GNG7: variants seen among roughly 807,000 people sequenced by gnomAD.
GNG7 encodes the protein G protein subunit gamma 7.
Under a neutral mutation model 4.0 loss-of-function variants are expected in GNG7, and 1 was observed. That is an observed-to-expected ratio of 0.25 (90% CI 0.09 to 1.18). The LOEUF is 1.18. Ranked by LOEUF, GNG7 falls within the 50% of genes most tolerant of loss-of-function variation. The pLI is 0.50. For missense variants in GNG7, 86 were observed against 91.9 expected (o/e 0.94, Z 0.26); for synonymous variants, 34 against 36.9 (o/e 0.92, Z 0.29).
At chr19:2,662,823 A>G (rs1032894493) in intron 1 of GNG7, among the ~76,000 whole-genome samples, 6 of 152,252 alleles carry the variant, frequency 3.9e-5, no homozygotes, top group Non-Finnish European at 8.8e-5. Flanking sequence ...TGGAGGGTAC[A>G]GCTAAAGGTT....
At chr19:2,574,144 T>A (rs1361078605) in intron 2 of GNG7, among the ~76,000 whole-genome samples, 2 of 152,122 alleles carry the variant, frequency 1.3e-5, no homozygotes, top group Non-Finnish European at 2.9e-5. Flanking sequence ...ACCCCCACCA[T>A]CTCCCGGGGT....
In GNG7 at chr19:2,552,950, A is replaced by G. The variant is rs77822011; in HGVS notation, c.-38+2199T>C. On this transcript the variant is annotated intron_variant, in intron 3 of 4. Transcript: ENST00000382159. ...GGACTGCTGCCTTAAGGAACCAGAA[A>G]AGGAAGAACGAAGGCAGCCCCAAGC... Among the ~76,000 whole-genome samples the G allele has an allele frequency of 2.7e-3, 413 of 151,358 alleles. 9 individuals carry two copies. In the East Asian group the frequency reaches 0.046, roughly 17 times the overall value.
intron 2 of GNG7, among the ~76,000 whole-genome samples, chr19:2,638,562 G>A (rs74370076): frequency 3.3e-5 from 4 of 120,634 alleles, no homozygotes; most frequent in East Asian, 2.7e-4. Flanking sequence ...GGGGAGGGGA[G>A]GGGAAGGGAA....
intron 3 of GNG7, among the ~76,000 whole-genome samples, chr19:2,533,017 T>C (rs1416207645): frequency 2.0e-5 from 3 of 151,890 alleles, no homozygotes; most frequent in African/African-American, 4.8e-5. Flanking sequence ...CTTTTACTCA[T>C]AACAGCAAAA....
At chr19:2,685,659 G>A (rs1003618496) in intron 1 of GNG7, among the ~76,000 whole-genome samples, 1 of 152,076 alleles carries the variant, frequency 6.6e-6, no homozygotes, top group Admixed American at 6.6e-5. Context: ...AAAAGAAAGT[G>A]AGAGAGGGGA....
chr19:2,674,494 G>A (rs960726811), intron 1 of GNG7, among the ~76,000 whole-genome samples: 4 of 152,056 alleles, frequency 2.6e-5, no homozygotes, highest in African/African-American at 9.7e-5. Context: ...GGAGTGCAGT[G>A]GTGCAATCTC....
intron 3 of GNG7, among the ~76,000 whole-genome samples, chr19:2,524,767 TG>T (rs1239252218): frequency 2.0e-5 from 3 of 152,118 alleles, no homozygotes; most frequent in Non-Finnish European, 4.4e-5. Context: ...CGGCACTGCA[TG>T]TGCGTGTGCG....
intron 3 of GNG7, among the ~76,000 whole-genome samples, chr19:2,524,076 G>A (rs1599371880): frequency 1.3e-5 from 2 of 152,236 alleles, no homozygotes; most frequent in African/African-American, 4.8e-5. Context: ...CGTGCACGCA[G>A]AGAACAAACG....
intron 2 of GNG7, among the ~76,000 whole-genome samples, chr19:2,572,015 GT>G (rs1980164220): frequency 6.6e-6 from 1 of 151,804 alleles, no homozygotes; most frequent in Admixed American, 6.6e-5. Flanking sequence ...TGTTTTTGTT[GT>G]TTTGTTTTGT....
chr19:2,696,818 GT>G (rs796230050), intron 1 of GNG7, among the ~76,000 whole-genome samples: 52 of 152,312 alleles, frequency 3.4e-4, no homozygotes, highest in African/African-American at 1.2e-3. Flanking sequence ...GGGGTGGAGA[GT>G]CCCCCTCATG....
chr19:2,514,082 A>C lies in GNG7; in HGVS notation c.*940T>G, dbSNP rs1406507120. 6.6e-6 allele frequency: 1 copy of C among 152,408 alleles called. No individual in the cohort carries two copies. 9.4% of individuals were successfully genotyped at this position (152,408 alleles called of 1,614,324 possible). A position where few individuals can be genotyped will look rare whatever the true frequency, so the allele number is the denominator to read the frequency against. ...CGTAGTGGCACACGCCTGTAGTCTC[A>C]GCTACTCGGGAGGCTGAGGCAGGAG... On this transcript the variant is annotated 3_prime_UTR_variant, in exon 5 of 5. Coordinates refer to ENST00000382159, the MANE Select transcript of GNG7 (RefSeq NM_052847.3).
intron 1 of GNG7, chr19:2,683,708 G>A (rs1311076250): frequency 6.6e-6 from 1 of 152,624 alleles, no homozygotes; most frequent in East Asian, 1.9e-4. Context: ...GGCATTCCAG[G>A]TGAGGAGAAA....
rs1213682553 is a variant in GNG7 at position 2,617,982 on chromosome 19, A to G, written c.-78+28242T>C. 6.6e-6 allele frequency among the ~76,000 whole-genome samples: 1 copy of G among 151,758 alleles called. No individual in the cohort carries two copies. Among genetic ancestry groups the G allele is most frequent in the Non-Finnish European group, 1.5e-5 (1 of 67,932 alleles). Reference sequence around the variant, plus strand: ...TGATCCTCCCACCTCGGCCTCCCAAAGCGCTGAGATTACAGGCGTGACTAT... The same window carrying G: ...TGATCCTCCCACCTCGGCCTCCCAAGGCGCTGAGATTACAGGCGTGACTAT... On this transcript the variant is annotated intron_variant, in intron 2 of 4. Coordinates refer to ENST00000382159, the MANE Select transcript of GNG7 (RefSeq NM_052847.3). The surrounding 1 kb of genome is among the most constrained non-coding windows in gnomAD (Gnocchi z 4.7).
rs183226649 is a variant in GNG7 at position 2,639,832 on chromosome 19, G to A, written c.-78+6392C>T. Among the ~76,000 whole-genome samples the A allele has an allele frequency of 5.4e-3, 77 of 14,156 alleles. 1 individual carries two copies. Among genetic ancestry groups the A allele is most frequent in the Middle Eastern group, 0.056 (2 of 36 alleles). The allele number at this position is 14,156 out of a possible 152,430, so 9.3% of individuals were successfully genotyped here. On this transcript the variant is annotated intron_variant, in intron 2 of 4. Coordinates refer to ENST00000382159, the MANE Select transcript of GNG7 (RefSeq NM_052847.3). ...AAGGAGAGGGTAAGGGAGGGAGGGA[G>A]GGAAGGAGGGAGGGAAGGAAGGAAG... is the stretch of plus-strand genomic sequence containing the variant.
chr19:2,588,382 G>A (rs568581353), intron 2 of GNG7, among the ~76,000 whole-genome samples: 2 of 152,304 alleles, frequency 1.3e-5, no homozygotes, highest in East Asian at 1.9e-4. Flanking sequence ...CCAGCACGAC[G>A]CGGCTCTCTG....
intron 1 of GNG7, among the ~76,000 whole-genome samples, chr19:2,671,127 G>A (rs1191535210): frequency 6.8e-6 from 1 of 147,962 alleles, no homozygotes; most frequent in East Asian, 2.1e-4. Context: ...CCCTGGGCAC[G>A]GCAGGGTGCT....
At chr19:2,552,762 A>G (rs1273178920) in intron 3 of GNG7, among the ~76,000 whole-genome samples, 1 of 151,286 alleles carries the variant, frequency 6.6e-6, no homozygotes, top group Admixed American at 6.6e-5. Flanking sequence ...GAATTATTTT[A>G]TTATATATTA....
At chr19:2,587,061 C>T (rs1248535189) in intron 2 of GNG7, among the ~76,000 whole-genome samples, 1 of 151,700 alleles carries the variant, frequency 6.6e-6, no homozygotes, top group Non-Finnish European at 1.5e-5. Context: ...CATCCACTAC[C>T]ACGCAACACC....
chr19:2,556,261 A>AG lies in GNG7; in HGVS notation c.-77-1074dup, dbSNP rs748432041. On this transcript the variant is annotated intron_variant, in intron 2 of 4. Coordinates refer to ENST00000382159, the MANE Select transcript of GNG7 (RefSeq NM_052847.3). ...CAGGAGCTGCACCACTGTCAGCTCT[A>AG]GGGGAGGCCCCGTCCTGCCTAGCGG... Among the ~76,000 whole-genome samples the AG allele has an allele frequency of 8.0e-4, 122 of 152,112 alleles. 1 individual carries two copies. The highest frequency in any genetic ancestry group is 3.4e-3 in the Middle Eastern group (1 of 294).
Sources: allele counts gnomAD v4.1 joint callset (sites outside exome capture counted in the v4.1 genomes callset), GRCh38; gene constraint gnomAD v4.1.1; non-coding constraint Gnocchi (gnomAD v3.1); transcripts MANE v1.5; gene names NCBI Gene and HGNC (gene_info 2026-07-23, HGNC 2026-07-21).